The following CDON variants were observed in gnomAD, a reference collection of about 807,000 sequenced individuals.
The protein encoded by CDON is cell adhesion associated, oncogene regulated.
CDON carries 73 observed loss-of-function variants against 120.9 expected under a neutral mutation model. The ratio of observed to expected loss-of-function variants is 0.60; its 90% CI spans 0.50 to 0.73. The LOEUF (loss-of-function observed/expected upper bound fraction) is 0.73, where lower values mean the gene tolerates loss of function less well. Ranked by LOEUF, CDON falls within the 30% of genes least tolerant of loss-of-function variation. CDON has a pLI of 0.00. For missense variants in CDON, 1,470 were observed against 1,587.3 expected (o/e 0.93, Z 1.26); for synonymous variants, 566 against 573.5 (o/e 0.99, Z 0.19).
chr11:125,992,577 G>A (rs1246243935), intron 14 of CDON, among the ~76,000 whole-genome samples: 1 of 152,018 alleles, frequency 6.6e-6, no homozygotes, highest in African/African-American at 2.4e-5. Flanking sequence ...GAATAGTTTT[G>A]GCACTAAAAG....
chr11:125,983,373 T>C (rs545799720), intron 16 of CDON, among the ~76,000 whole-genome samples: 2 of 152,344 alleles, frequency 1.3e-5, no homozygotes, highest in East Asian at 1.9e-4. Context: ...GAGGACGCCA[T>C]GCTGGAGCAG....
chr11:126,023,040 T>A (rs1305275521), intron 2 of CDON, among the ~76,000 whole-genome samples: 1 of 152,250 alleles, frequency 6.6e-6, no homozygotes, highest in Non-Finnish European at 1.5e-5. Context: ...ATGCTGATTC[T>A]AAAACTTCTC....
intron 18 of CDON, among the ~76,000 whole-genome samples, chr11:125,971,244 G>T (rs1047809875): frequency 6.6e-6 from 1 of 152,158 alleles, no homozygotes; most frequent in South Asian, 2.1e-4. Context: ...TTAGCTGGGT[G>T]TGGTGGCGGG....
At chr11:126,033,496 T>C (rs982017091) in intron 1 of CDON, among the ~76,000 whole-genome samples, 2 of 152,048 alleles carry the variant, frequency 1.3e-5, no homozygotes, top group Non-Finnish European at 2.9e-5. Context: ...TCAATACTAC[T>C]AATGAAAAAG....
intron 15 of CDON, among the ~76,000 whole-genome samples, chr11:125,988,593 T>C (rs988599047): frequency 2.6e-5 from 4 of 152,274 alleles, no homozygotes; most frequent in South Asian, 2.1e-4. Flanking sequence ...TGAGAGGAGA[T>C]TGTCGTGTTC....
chr11:126,027,357 T>C (rs1387180511), intron 1 of CDON, among the ~76,000 whole-genome samples: 1 of 152,212 alleles, frequency 6.6e-6, no homozygotes, highest in Non-Finnish European at 1.5e-5. Context: ...AATCACAGTA[T>C]ATCCATTAGT....
chr11:126,019,586 T>C, intron 4 of CDON, 33 bp downstream of exon 4: 1 of 1,613,016 alleles, frequency 6.2e-7, no homozygotes, highest in Non-Finnish European at 8.5e-7. Context: ...ATTTGTTCTG[T>C]GTGTGCCACC....
intron 16 of CDON, among the ~76,000 whole-genome samples, chr11:125,981,970 C>CTTTTTTTTTT (rs61446837): frequency 0.051 from 2,782 of 54,280 alleles, 575 homozygotes; most frequent in Non-Finnish European, 0.065. Context: ...ATTCTATTTT[C>CTTTTTTTTTT]TTTTTTTTTT....
intron 1 of CDON, among the ~76,000 whole-genome samples, chr11:126,031,796 C>T (rs1435541540): frequency 6.6e-6 from 1 of 152,146 alleles, no homozygotes; most frequent in Non-Finnish European, 1.5e-5. Flanking sequence ...AGATGACTTC[C>T]AGTGTCCAAA....
At chr11:125,978,416 A>G in intron 17 of CDON, 33 bp from the exon 18 acceptor site, 3 of 1,390,306 alleles carry the variant, frequency 2.2e-6, no homozygotes, top group Non-Finnish European at 3.0e-6. Flanking sequence ...GAAAAAGAAA[A>G]GAAGAAGGAA....
chr11:126,045,482 A>T (rs1316099615), intron 1 of CDON, among the ~76,000 whole-genome samples: 1 of 152,224 alleles, frequency 6.6e-6, no homozygotes, highest in Non-Finnish European at 1.5e-5. Flanking sequence ...TAACAATAGC[A>T]ATCTAAACGT....
chr11:125,987,293 G>A (rs1946495978), intron 15 of CDON, among the ~76,000 whole-genome samples: 1 of 152,140 alleles, frequency 6.6e-6, no homozygotes, highest in Non-Finnish European at 1.5e-5. Context: ...ATAAAGAGAA[G>A]CCAAAGAACT....
chr11:126,017,895 T>C (rs1270935577), intron 5 of CDON, among the ~76,000 whole-genome samples: 2 of 152,118 alleles, frequency 1.3e-5, no homozygotes, highest in African/African-American at 4.8e-5. Context: ...CTATAATGCA[T>C]TCATGTATTT....
intron 1 of CDON, among the ~76,000 whole-genome samples, chr11:126,062,089 C>T (rs1210205573): frequency 6.6e-6 from 1 of 152,196 alleles, no homozygotes; most frequent in Non-Finnish European, 1.5e-5. Context: ...AAAATACACT[C>T]CCTGGGGCTG....
At chr11:126,051,981 G>A (rs933145131) in intron 1 of CDON, among the ~76,000 whole-genome samples, 1 of 151,982 alleles carries the variant, frequency 6.6e-6, no homozygotes, top group Non-Finnish European at 1.5e-5. Context: ...ATCCTCAAAC[G>A]CAAAAGAAAT....
At chr11:126,002,526 CT>C (rs1330644927) in intron 10 of CDON, among the ~76,000 whole-genome samples, 1 of 152,128 alleles carries the variant, frequency 6.6e-6, no homozygotes, top group Non-Finnish European at 1.5e-5. Context: ...ACCCAGTTCC[CT>C]TCTCTACCCA....
At chr11:125,989,333 C>T (rs1234250288) in intron 15 of CDON, among the ~76,000 whole-genome samples, 2 of 152,222 alleles carry the variant, frequency 1.3e-5, no homozygotes, top group East Asian at 1.9e-4. Context: ...GCCAGGAGTT[C>T]GAGACCAGCT....
intron 1 of CDON, among the ~76,000 whole-genome samples, chr11:126,036,857 T>A (rs1156973031): frequency 6.6e-6 from 1 of 152,140 alleles, no homozygotes; most frequent in African/African-American, 2.4e-5. Context: ...CCCAGCTGAT[T>A]CTTCCACTTT....
In CDON at chr11:125,983,865, G is replaced by C; in HGVS notation, c.2995+7C>G. 2 of 1,600,134 alleles carry C rather than the reference G, an allele frequency of 1.2e-6. No individual in the cohort carries two copies. The stretch of plus-strand genomic sequence containing the variant: ...AAAAGAGAAGGAGATATTTATGAGT[G>C]ACTTACTTTGTATGGTATTCTGCTG... On this transcript the variant is annotated splice_region_variant and intron_variant, in intron 16 of 19. Transcript: ENST00000531738.
Sources: allele counts gnomAD v4.1 joint callset (sites outside exome capture counted in the v4.1 genomes callset), GRCh38; gene constraint gnomAD v4.1.1; transcripts MANE v1.5; gene names NCBI Gene and HGNC (gene_info 2026-07-23, HGNC 2026-07-21).